COL22A1: variants seen among roughly 807,000 people sequenced by gnomAD.
The protein encoded by COL22A1 is collagen type XXII alpha 1 chain.
In COL22A1, 221 loss-of-function variants were observed where a neutral mutation model predicts 248.9. That is an observed-to-expected ratio of 0.89 (90% CI 0.80 to 0.99). COL22A1 has a LOEUF of 0.99. Ranked by LOEUF, COL22A1 falls within the 50% of genes least tolerant of loss-of-function variation. The probability of loss-of-function intolerance (pLI) is 0.00; values close to 1 mark genes in which losing one functional copy is unlikely to be tolerated. For missense variants in COL22A1, 2,240 were observed against 2,179.0 expected (o/e 1.03, Z -0.56); for synonymous variants, 891 against 793.4 (o/e 1.12, Z -2.07).
chr8:138,792,032 T>C (rs1563768826), intron 12 of COL22A1, among the ~76,000 whole-genome samples: 1 of 152,222 alleles, frequency 6.6e-6, no homozygotes, highest in Non-Finnish European at 1.5e-5. Context: ...GTGCTTGTTA[T>C]TGTATTTTCC....
intron 12 of COL22A1, among the ~76,000 whole-genome samples, chr8:138,786,088 C>T (rs1045368634): frequency 3.3e-5 from 5 of 152,196 alleles, no homozygotes; most frequent in African/African-American, 1.2e-4. Flanking sequence ...TGTCGAAGTG[C>T]TCTGAGTCTT....
intron 47 of COL22A1, among the ~76,000 whole-genome samples, chr8:138,643,303 A>C (rs1003956504): frequency 2.6e-5 from 4 of 152,156 alleles, no homozygotes; most frequent in African/African-American, 9.7e-5. Context: ...ATAACTCCTG[A>C]TGCAGGAGTC....
intron 52 of COL22A1, among the ~76,000 whole-genome samples, chr8:138,622,053 T>C (rs1049272105): frequency 6.6e-6 from 1 of 152,236 alleles, no homozygotes; most frequent in East Asian, 1.9e-4. Context: ...TTGTGTAAGA[T>C]TCAGAATGAG....
intron 64 of COL22A1, among the ~76,000 whole-genome samples, chr8:138,590,334 C>A (rs974733704): frequency 6.6e-6 from 1 of 152,092 alleles, no homozygotes; most frequent in Admixed American, 6.5e-5. Flanking sequence ...AATCTATAAT[C>A]CTGCCTAGAT....
At chr8:138,846,545 G>A (rs1463534517) in intron 3 of COL22A1, among the ~76,000 whole-genome samples, 1 of 152,110 alleles carries the variant, frequency 6.6e-6, no homozygotes, top group Non-Finnish European at 1.5e-5. Context: ...CAGGCTCGAG[G>A]GGCAGTTTAT....
chr8:138,881,198 G>C, intron 2 of COL22A1, among the ~76,000 whole-genome samples: 1 of 151,658 alleles, frequency 6.6e-6, no homozygotes, highest in Non-Finnish European at 1.5e-5. Context: ...GTGCATTTGG[G>C]GTTGGCTAGA....
intron 3 of COL22A1, among the ~76,000 whole-genome samples, chr8:138,866,959 GC>G (rs1822944061): frequency 6.6e-6 from 1 of 152,126 alleles, no homozygotes. Flanking sequence ...GGAAACTGAG[GC>G]CCCCACAAAA....
chr8:138,862,056 G>GA (rs1202669089), intron 3 of COL22A1, among the ~76,000 whole-genome samples: 1 of 133,884 alleles, frequency 7.5e-6, no homozygotes, highest in Non-Finnish European at 1.6e-5. Flanking sequence ...AAGAAAAAAA[G>GA]AAAAAAAGAA....
intron 47 of COL22A1, among the ~76,000 whole-genome samples, chr8:138,641,834 C>T (rs1296433439): frequency 6.6e-6 from 1 of 152,172 alleles, no homozygotes; most frequent in Non-Finnish European, 1.5e-5. Flanking sequence ...TCAGGGGTAG[C>T]ATTTTCAGTT....
Position 138,607,085 on chromosome 8 carries a change from C to T in COL22A1, c.4033-633G>A, listed in dbSNP as rs1251901252. 6.6e-5 allele frequency among the ~76,000 whole-genome samples: 10 copies of T among 152,258 alleles called. No individual in the cohort carries two copies. In the East Asian group the frequency reaches 1.7e-3, roughly 27 times the overall value. On this transcript the variant is annotated intron_variant, in intron 57 of 64. Transcript: ENST00000303045. ...TAGTCCAACAAGAGGAGGGTCTCCGCTAGGGTGATCAGATGCCGAGTTTGC... is the reference window on the plus strand; with the variant it reads ...TAGTCCAACAAGAGGAGGGTCTCCGTTAGGGTGATCAGATGCCGAGTTTGC...
intron 50 of COL22A1, among the ~76,000 whole-genome samples, chr8:138,629,432 G>T (rs532904982): frequency 6.6e-6 from 1 of 152,286 alleles, no homozygotes; most frequent in East Asian, 1.9e-4. Context: ...GGGATTACAG[G>T]CATGAGCCAC....
At chr8:138,681,525 A>G (rs1347999467) in intron 39 of COL22A1, among the ~76,000 whole-genome samples, 6 of 152,160 alleles carry the variant, frequency 3.9e-5, no homozygotes, top group African/African-American at 1.4e-4. Context: ...GTCTTCCAAG[A>G]GGCTATCAAT....
rs989909562 is a variant in COL22A1 at position 138,883,286 on chromosome 8, A to C, written c.-72-42T>G. The C allele has an allele frequency of 1.3e-5, 15 of 1,119,746 alleles. No homozygotes were observed. The African/African-American group carries it at 2.2e-4, about 16-fold the overall frequency. The allele number at this position is 1,119,746 out of a possible 1,614,324, so 69.4% of individuals were successfully genotyped here. On this transcript the variant is annotated intron_variant, in intron 1 of 64. Transcript: ENST00000303045. ...ACCCTTAGAGAAGGCTCTCAAGCTG[A>C]AAGTCTGTGAGAGGCAAACTCTGGG... is the stretch of plus-strand genomic sequence containing the variant.
At chr8:138,728,477 TG>T (rs1294238228) in intron 23 of COL22A1, among the ~76,000 whole-genome samples, 1 of 152,104 alleles carries the variant, frequency 6.6e-6, no homozygotes, top group Non-Finnish European at 1.5e-5. Context: ...AGGATGCCGA[TG>T]ACCTCTGGAG....
intron 60 of COL22A1, among the ~76,000 whole-genome samples, chr8:138,600,091 CCCCACAGCTGA>C (rs1477544590): frequency 6.6e-6 from 1 of 152,232 alleles, no homozygotes; most frequent in Non-Finnish European, 1.5e-5. Flanking sequence ...GCTCATCTCT[CCCCACAGCTGA>C]CCCAGAGCTG....
At chr8:138,697,034 G>A (rs113932750) in intron 32 of COL22A1, among the ~76,000 whole-genome samples, 1 of 152,106 alleles carries the variant, frequency 6.6e-6, no homozygotes, top group Non-Finnish European at 1.5e-5. Context: ...GTTGGTGAAC[G>A]GGACTGCAGT....
intron 2 of COL22A1, among the ~76,000 whole-genome samples, chr8:138,879,992 G>A (rs1358412573): frequency 6.6e-6 from 1 of 152,132 alleles, no homozygotes; most frequent in Non-Finnish European, 1.5e-5. Context: ...TCTCTCAGGG[G>A]CTTTGAAGTC....
chr8:138,736,100 C>G (rs1237943633), intron 23 of COL22A1, among the ~76,000 whole-genome samples: 1 of 152,034 alleles, frequency 6.6e-6, no homozygotes, highest in Non-Finnish European at 1.5e-5. Context: ...CGCTATGCCT[C>G]AGGACCTCAT....
rs867345166 is a variant in COL22A1 at position 138,623,924 on chromosome 8, G to C, written c.3718-139C>G. Reference sequence around the variant, plus strand: ...TGGCAGCTAAGGCAGTGTCTCAACGGACAGAATTGTTCTGATTTCCTGGTT... The same window carrying C: ...TGGCAGCTAAGGCAGTGTCTCAACGCACAGAATTGTTCTGATTTCCTGGTT... On this transcript the variant is annotated intron_variant, in intron 51 of 64. Coordinates refer to ENST00000303045, the MANE Select transcript of COL22A1 (RefSeq NM_152888.3). The C allele has an allele frequency of 4.7e-5, 31 of 660,050 alleles. No individual in the cohort carries two copies. In the Middle Eastern group the frequency reaches 3.3e-3, roughly 71 times the overall value. The allele number at this position is 660,050 out of a possible 1,614,324, so 40.9% of individuals were successfully genotyped here. A position where few individuals can be genotyped will look rare whatever the true frequency, so the allele number is the denominator to read the frequency against.
Sources: gnomAD v4.1 joint callset for allele counts (sites outside exome capture counted in the v4.1 genomes callset) on GRCh38, gnomAD v4.1.1 for gene constraint, MANE v1.5 for transcripts, NCBI Gene and HGNC (gene_info 2026-07-23, HGNC 2026-07-21) for gene names.